POR: variants seen among roughly 807,000 people sequenced by gnomAD.
The protein encoded by POR is NADPH--cytochrome P450 reductase.
A neutral mutation model predicts 84.0 loss-of-function variants in POR; 56 were observed. The ratio of observed to expected loss-of-function variants is 0.67; its 90% CI spans 0.54 to 0.83. POR has a LOEUF of 0.83. Ranked by LOEUF, POR falls within the 40% of genes least tolerant of loss-of-function variation. The pLI, the probability that POR is intolerant of heterozygous loss-of-function variation, is 0.00. For missense variants in POR, 938 were observed against 944.3 expected, an observed-to-expected ratio of 0.99 and a Z score of 0.09; for synonymous variants, 414 against 400.5, an observed-to-expected ratio of 1.03 and a Z score of -0.40.
chr7:75,951,230 A>C (rs1787407980), intron 1 of POR, among the ~76,000 whole-genome samples: 1 of 151,916 alleles, frequency 6.6e-6, no homozygotes, highest in Non-Finnish European at 1.5e-5. Flanking sequence ...CCCCGTCTCT[A>C]CTAAAAATAC....
At chr7:75,917,221 C>T (rs1472034573) in intron 1 of POR, among the ~76,000 whole-genome samples, 3 of 151,888 alleles carry the variant, frequency 2.0e-5, no homozygotes, top group African/African-American at 7.3e-5. Context: ...GCACGCACCA[C>T]CACACCCAGC....
At chr7:75,977,547 G>T (rs1475481997) in intron 3 of POR, among the ~76,000 whole-genome samples, 2 of 152,194 alleles carry the variant, frequency 1.3e-5, no homozygotes, top group East Asian at 3.9e-4. Context: ...AGGCCAAGGT[G>T]GGCAGATCAC....
chr7:75,953,172 A>G (rs898944044), intron 1 of POR, among the ~76,000 whole-genome samples: 1 of 152,054 alleles, frequency 6.6e-6, no homozygotes, highest in African/African-American at 2.4e-5. Context: ...TACGAGAACC[A>G]GTCAGGCGTG....
At position 75,983,596 on chromosome 7, in the gene POR, C is replaced by T. The variant is rs201649877; in HGVS notation, c.907C>T (p.Leu303Phe). Residue 303 changes from leucine (L) to phenylalanine (F), a missense_variant, in exon 9 of 16, where the codon CTC becomes TTC. Coordinates refer to ENST00000461988, the MANE Select transcript of POR (RefSeq NM_000941.3). ...GCTGAACCAGGGAACCGAGCGCCAC[C>T]TCATGCACCTGGAATTGGACATCTC... 117 of 1,613,184 alleles carry T rather than the reference C, an allele frequency of 7.3e-5. No homozygotes were observed. In the African/African-American group the frequency reaches 1.5e-3, roughly 21 times the overall value.
intron 1 of POR, among the ~76,000 whole-genome samples, chr7:75,919,257 A>G (rs1473450036): frequency 2.6e-5 from 4 of 152,180 alleles, no homozygotes; most frequent in African/African-American, 9.6e-5. Flanking sequence ...TACTGTGTCT[A>G]AATTTGTAAT....
chr7:75,972,505 C>T, intron 3 of POR, 44 bp downstream of exon 3: 1 of 1,526,596 alleles, frequency 6.6e-7, no homozygotes, highest in South Asian at 1.2e-5. Context: ...AAGCCTCGGC[C>T]CCGATGGGCA....
At chr7:75,925,703 G>C (rs1554549392) in intron 1 of POR, among the ~76,000 whole-genome samples, 1 of 152,216 alleles carries the variant, frequency 6.6e-6, no homozygotes, top group African/African-American at 2.4e-5. Flanking sequence ...GATGAAAGAT[G>C]ATGTTGGCCT....
Position 75,973,111 on chromosome 7 carries a change from C to T in POR, c.237+650C>T, listed in dbSNP as rs555740358. ...GTGCTGGGATTACAGGCGTGAACCACCGCACCCAGCCAATTTAACTATTTA... is the reference window on the plus strand; with the variant it reads ...GTGCTGGGATTACAGGCGTGAACCATCGCACCCAGCCAATTTAACTATTTA... On this transcript the variant is annotated intron_variant, in intron 3 of 15. Transcript: ENST00000461988. Among the ~76,000 whole-genome samples the T allele has an allele frequency of 9.9e-5, 15 of 152,104 alleles. No individual in the cohort carries two copies. The South Asian group carries it at 3.1e-3, about 32-fold the overall frequency.
chr7:75,977,806 A>G (rs1554557051), intron 3 of POR, among the ~76,000 whole-genome samples: 1 of 152,162 alleles, frequency 6.6e-6, no homozygotes, highest in African/African-American at 2.4e-5. Context: ...AAGAAAAGAA[A>G]AAAAGAAAAA....
intron 1 of POR, chr7:75,923,223 G>A: frequency 2.7e-6 from 3 of 1,115,446 alleles, no homozygotes; most frequent in Non-Finnish European, 4.0e-6. Context: ...CACAGTGATT[G>A]AGGAGCACCT....
intron 1 of POR, among the ~76,000 whole-genome samples, chr7:75,933,382 T>TG (rs1563403237): frequency 1.2e-4 from 10 of 85,608 alleles, no homozygotes; most frequent in Non-Finnish European, 1.9e-4. Flanking sequence ...CTTTGTTTTT[T>TG]TTTTTTTTTT....
rs1788991177 is a variant in POR, at chr7:75,981,055, G to T, written c.524G>T (p.Gly175Val). The T allele has an allele frequency of 6.3e-7, 1 of 1,574,992 alleles. No individual in the cohort carries two copies. Among genetic ancestry groups the T allele is most frequent in the Non-Finnish European group, 8.6e-7 (1 of 1,159,942 alleles). ...GCCCCTGTGTCCACGCAGGTGTTTG[G>T]TCTTGGGAACAAGACCTACGAGCAC... is the stretch of plus-strand genomic sequence containing the variant. Residue 175 changes from glycine to valine, a missense_variant, in exon 6 of 16, where the codon GGT becomes GTT. Physicochemically the swap from Gly to Val is moderately radical, Grantham distance 109. Coordinates refer to ENST00000461988, the MANE Select transcript of POR (RefSeq NM_000941.3).
intron 1 of POR, among the ~76,000 whole-genome samples, chr7:75,926,315 T>C (rs1163891643): frequency 2.0e-5 from 3 of 152,092 alleles, no homozygotes; most frequent in African/African-American, 7.2e-5. Flanking sequence ...TTTCCTGTGA[T>C]ATTTGAAAAG....
At chr7:75,956,883 G>A (rs939090441) in intron 2 of POR, among the ~76,000 whole-genome samples, 1 of 151,996 alleles carries the variant, frequency 6.6e-6, no homozygotes, top group Non-Finnish European at 1.5e-5. Context: ...ATGCTACCAC[G>A]CCTGGCTAAT....
At chr7:75,933,790 C>T (rs938562866) in intron 1 of POR, among the ~76,000 whole-genome samples, 5 of 152,114 alleles carry the variant, frequency 3.3e-5, no homozygotes, top group Admixed American at 1.3e-4. Context: ...AATTCTTGAG[C>T]GCCCTTTACC....
chr7:75,980,631 C>T (rs1788962952), intron 5 of POR, 143 bp downstream of exon 5: 3 of 1,575,214 alleles, frequency 1.9e-6, no homozygotes, highest in Non-Finnish European at 1.7e-6. Context: ...GAGACCCTCT[C>T]CTCTGCCCCA....
Position 75,985,418 on chromosome 7 carries a change from C to T in POR, c.1399-161C>T, listed in dbSNP as rs781996609. On this transcript the variant is annotated intron_variant, in intron 12 of 15. Coordinates refer to ENST00000461988, the MANE Select transcript of POR (RefSeq NM_000941.3). Reference sequence around the variant, plus strand: ...TCTGTCCAGCCCCGGTCCCCAGAACCAGTCCGGGAAGCCGCTGGGGAGGGG... The same window carrying T: ...TCTGTCCAGCCCCGGTCCCCAGAACTAGTCCGGGAAGCCGCTGGGGAGGGG... The T allele has an allele frequency of 8.8e-6, 10 of 1,140,136 alleles. No individual in the cohort carries two copies. In the African/African-American group the frequency reaches 1.4e-4, roughly 16 times the overall value. 70.6% of individuals were successfully genotyped at this position (1,140,136 alleles called of 1,614,324 possible).
intron 2 of POR, among the ~76,000 whole-genome samples, chr7:75,960,901 T>C (rs191496949): frequency 1.3e-4 from 20 of 152,208 alleles, no homozygotes; most frequent in Admixed American, 6.5e-4. Context: ...TTACACAGTA[T>C]TTTTTTAAAA....
At chr7:75,928,633 C>G (rs1371132180) in intron 1 of POR, among the ~76,000 whole-genome samples, 2 of 152,202 alleles carry the variant, frequency 1.3e-5, no homozygotes, top group African/African-American at 2.4e-5. Context: ...AGGCCAAGGG[C>G]CTAGCGGAGT....
Sources: gnomAD v4.1 joint callset for allele counts (sites outside exome capture counted in the v4.1 genomes callset) on GRCh38, gnomAD v4.1.1 for gene constraint, MANE v1.5 for transcripts, NCBI Gene and HGNC (gene_info 2026-07-23, HGNC 2026-07-21) for gene names.